CALU: variants seen among roughly 807,000 people sequenced by gnomAD.
CALU encodes calumenin, also known as IEF SSP 9302.
Under a neutral mutation model 37.5 loss-of-function variants are expected in CALU, and 13 were observed. The observed-to-expected ratio is 0.35, with a 90% CI of 0.23 to 0.55. The LOEUF is 0.55. Among genes scored for constraint, CALU ranks in the 20% least tolerant of loss-of-function variants. The pLI, the probability that CALU is intolerant of heterozygous loss-of-function variation, is 0.89. For synonymous variants in CALU, 114 were observed against 133.8 expected (o/e 0.85, Z 1.02); for missense variants, 282 against 391.7 (o/e 0.72, Z 2.36).
chr7:128,741,966 GT>G (rs769564011), intron 1 of CALU, among the ~76,000 whole-genome samples: 13 of 152,222 alleles, frequency 8.5e-5, no homozygotes, highest in Non-Finnish European at 1.5e-4. Flanking sequence ...CATTCTCAGG[GT>G]TTTTCTTCTG....
chr7:128,767,115 C>A (rs17475638), intron 5 of CALU, among the ~76,000 whole-genome samples: 27,985 of 152,030 alleles, frequency 0.18, 2,895 homozygotes, highest in Non-Finnish European at 0.23. Context: ...CAAGTGGTCC[C>A]GTTTAATTAG....
intron 5 of CALU, among the ~76,000 whole-genome samples, chr7:128,765,717 C>T (rs1801304999): frequency 6.6e-6 from 1 of 152,116 alleles, no homozygotes; most frequent in South Asian, 2.1e-4. Flanking sequence ...TTTTTAAATG[C>T]ATTTCTTTGA....
intron 5 of CALU, among the ~76,000 whole-genome samples, chr7:128,766,640 GCTGGTCTCAAATTCCTGACCTCAGGTGAT>G (rs1341589132): frequency 1.3e-5 from 2 of 151,982 alleles, no homozygotes; most frequent in East Asian, 1.9e-4. Context: ...TTTTGGCCAG[GCTGGTCTCAAATTCCTGACCTCAGGTGAT>G]CTGGTCTCAA....
At position 128,772,599 on chromosome 7, in the gene CALU, A is replaced by G. The variant is rs150426624; in HGVS notation, c.*3432A>G. On this transcript the variant is annotated 3_prime_UTR_variant, in exon 7 of 7. Transcript: ENST00000249364. ...GAAACTTCTGTTTTCTGGGAGCTGC[A>G]TGTGTCGGATTCATCTGTCATGGCC... is the stretch of plus-strand genomic sequence containing the variant. 1.9e-6 allele frequency: 3 copies of G among 1,614,040 alleles called. No homozygotes were observed. Among genetic ancestry groups the G allele is most frequent in the Non-Finnish European group, 2.5e-6 (3 of 1,180,018 alleles).
rs564683264 is a variant in CALU, at chr7:128,748,456, G to T, written c.-11-117G>T. ...AAGTAATATTTGGGATAATATAAAAGACTTGCATAGATATGTATATCAAAT... is the reference window on the plus strand; with the variant it reads ...AAGTAATATTTGGGATAATATAAAATACTTGCATAGATATGTATATCAAAT... On this transcript the variant is annotated intron_variant, in intron 1 of 6. Transcript: ENST00000249364. 13 of 1,168,908 alleles carry T rather than the reference G, an allele frequency of 1.1e-5. No individual in the cohort carries two copies. In the African/African-American group the frequency reaches 1.9e-4, roughly 17 times the overall value. 72.4% of individuals were successfully genotyped at this position (1,168,908 alleles called of 1,614,324 possible).
At chr7:128,754,498 C>T in intron 3 of CALU, 43 bp downstream of exon 3, 4 of 1,599,338 alleles carry the variant, frequency 2.5e-6, no homozygotes, top group Middle Eastern at 3.3e-4. Context: ...GTGGAGCTGG[C>T]ACCTTGAAAC....
At chr7:128,763,491 A>G (rs1159771365) in intron 5 of CALU, among the ~76,000 whole-genome samples, 1 of 152,212 alleles carries the variant, frequency 6.6e-6, no homozygotes, top group Non-Finnish European at 1.5e-5. Flanking sequence ...AGATCGCGCC[A>G]CTGCACTCCA....
At chr7:128,741,237 G>A (rs1311815335) in intron 1 of CALU, among the ~76,000 whole-genome samples, 1 of 152,244 alleles carries the variant, frequency 6.6e-6, no homozygotes, top group Non-Finnish European at 1.5e-5. Context: ...ACTTTTGCCT[G>A]TTCCTGGCTG....
At chr7:128,759,112 C>T (rs1413338304) in intron 4 of CALU, 75 bp downstream of exon 4, 1 of 1,099,344 alleles carries the variant, frequency 9.1e-7, no homozygotes, top group Non-Finnish European at 1.3e-6. Context: ...CCCCTTTAGC[C>T]TTATATAGCA....
intron 5 of CALU, 94 bp from the exon 6 acceptor site, chr7:128,767,361 CA>C (rs1801375420): frequency 2.1e-6 from 2 of 958,740 alleles, no homozygotes; most frequent in South Asian, 2.6e-5. Context: ...GGGTTCCAAA[CA>C]AATGGATGAG....
At chr7:128,748,547 A>C in intron 1 of CALU, 26 bp from the exon 2 acceptor site, 1 of 1,561,406 alleles carries the variant, frequency 6.4e-7, no homozygotes. Flanking sequence ...TGCCTCCTGA[A>C]TTAACTGCTT....
rs1800998121 is a variant in CALU at position 128,759,037 on chromosome 7, G to C, written c.582G>C (p.Gln194His). ...ACTACATGAAAGATATAGTAGTACA[G>C]GTGGGTGAGATGAAGGATTCTGAAC... ...EYDYMKDIVV[Q>H]ETMEDIDKNA... Residue 194 changes from glutamine (Q) to histidine (H), a missense_variant and splice_region_variant, in exon 4 of 7, where the codon CAG becomes CAC. Gln to His is a conservative substitution (Grantham distance 24). Transcript: ENST00000249364. 6.2e-7 allele frequency: 1 copy of C among 1,607,768 alleles called. No homozygotes were observed. The highest frequency in any genetic ancestry group is 1.1e-5 in the South Asian group (1 of 89,726).
chr7:128,754,670 C>G (rs563892606), intron 3 of CALU: 52 of 1,552,178 alleles, frequency 3.4e-5, no homozygotes, highest in Non-Finnish European at 4.4e-5. Flanking sequence ...TGAATCAAGA[C>G]GGCTTAATCT....
intron 1 of CALU, among the ~76,000 whole-genome samples, chr7:128,739,906 A>G (rs1274864933): frequency 6.6e-6 from 1 of 152,124 alleles, no homozygotes. Flanking sequence ...TGCATCTGCC[A>G]AGGTCGTGTT....
At position 128,772,075 on chromosome 7, in the gene CALU, G is replaced by C. The variant is rs2402937; in HGVS notation, c.*2908G>C. Among the ~76,000 whole-genome samples, 4 of 54,014 alleles carry C rather than the reference G, an allele frequency of 7.4e-5. No individual in the cohort carries two copies. Among genetic ancestry groups the C allele is most frequent in the Admixed American group, 1.7e-4 (1 of 5,776 alleles). The allele number at this position is 54,014 out of a possible 152,430, so 35.4% of individuals were successfully genotyped here. On this transcript the variant is annotated 3_prime_UTR_variant, in exon 7 of 7. Coordinates refer to ENST00000249364, the MANE Select transcript of CALU (RefSeq NM_001219.5). ...CTGAGTTTTTTTTGTTTTTTTTTTT[G>C]TTTTGTTTTGTTTTTTCTTTATGTC...
intron 2 of CALU, among the ~76,000 whole-genome samples, chr7:128,750,801 T>C (rs1211266059): frequency 7.2e-5 from 11 of 152,268 alleles, no homozygotes. Context: ...AAGTCATTGT[T>C]CATGCCTTTA....
At chr7:128,759,668 T>C in intron 4 of CALU, 124 bp from the exon 5 acceptor site, 1 of 644,366 alleles carries the variant, frequency 1.6e-6, no homozygotes, top group African/African-American at 1.8e-5. Flanking sequence ...CATACATACA[T>C]ACATACATAC....
intron 6 of CALU, 108 bp downstream of exon 6, chr7:128,767,763 G>C: frequency 2.3e-6 from 2 of 858,104 alleles, no homozygotes; most frequent in Non-Finnish European, 3.8e-6. Flanking sequence ...GTCTTAATTA[G>C]TCTAAGTCAG....
At chr7:128,759,081 T>C (rs1356499127) in intron 4 of CALU, 44 bp downstream of exon 4, 1 of 1,512,088 alleles carries the variant, frequency 6.6e-7, no homozygotes, top group African/African-American at 1.4e-5. Flanking sequence ...AGTTTCTCTT[T>C]TTGTGGCTTA....
Sources: allele counts gnomAD v4.1 joint callset (sites outside exome capture counted in the v4.1 genomes callset), GRCh38; gene constraint gnomAD v4.1.1; transcripts MANE v1.5; gene names NCBI Gene and HGNC (gene_info 2026-07-23, HGNC 2026-07-21).